NIBAN1: variants seen among roughly 807,000 people sequenced by gnomAD.
The protein encoded by NIBAN1 is niban apoptosis regulator 1, also known as protein Niban 1.
A neutral mutation model predicts 75.1 loss-of-function variants in NIBAN1; 81 were observed. The observed-to-expected ratio is 1.08, with a 90% CI of 0.90 to 1.30. NIBAN1 has a LOEUF of 1.30. NIBAN1 is among the 50% of genes most tolerant of loss of function. The pLI is 0.00. For synonymous variants in NIBAN1, 436 were observed against 424.8 expected (o/e 1.03, Z -0.32); for missense variants, 1,133 against 1,128.1 (o/e 1.00, Z -0.06).
intron 1 of NIBAN1, among the ~76,000 whole-genome samples, chr1:184,959,357 T>A (rs543205571): frequency 5.9e-5 from 9 of 152,232 alleles, no homozygotes; most frequent in Non-Finnish European, 1.3e-4. Flanking sequence ...GACTGGAGAC[T>A]AGGAAGATTT....
Position 184,795,614 on chromosome 1 carries a change from G to A in NIBAN1, c.2150C>T (p.Thr717Ile). ...GSLKALRKLL[T>I]ASVEVPVDSA... ...GTCCACTGGTACTTCCACGGACGCT[G>A]TCAGCAACTTTCTGAGCGCCTTCAA... is the stretch of plus-strand genomic sequence containing the variant. Residue 717 changes from threonine (T) to isoleucine (I), a missense_variant, in exon 14 of 14, where the codon ACA becomes ATA. Transcript: ENST00000367511. 2 of 1,614,180 alleles carry A rather than the reference G, an allele frequency of 1.2e-6. No homozygotes were observed. Among genetic ancestry groups the A allele is most frequent in the South Asian group, 1.1e-5 (1 of 91,086 alleles).
At position 184,799,892 on chromosome 1, in the gene NIBAN1, C is replaced by T. The variant is rs1379329971; in HGVS notation, c.1555-1702G>A. Among the ~76,000 whole-genome samples the T allele has an allele frequency of 5.1e-5, 5 of 98,372 alleles. 2 individuals are homozygous for T. Among genetic ancestry groups the T allele is most frequent in the African/African-American group, 2.7e-4 (5 of 18,528 alleles). 64.5% of individuals were successfully genotyped at this position (98,372 alleles called of 152,430 possible). A position where few individuals can be genotyped will look rare whatever the true frequency, so the allele number is the denominator to read the frequency against. The stretch of plus-strand genomic sequence containing the variant: ...TCCCGAGTAGCTGGGACTACAGGCG[C>T]CCGCTACCACGCCCAGCTAATTTTT... On this transcript the variant is annotated intron_variant, in intron 12 of 13. Coordinates refer to ENST00000367511, the MANE Select transcript of NIBAN1 (RefSeq NM_052966.4).
At chr1:184,939,776 G>A (rs184143266) in intron 1 of NIBAN1, among the ~76,000 whole-genome samples, 76 of 152,244 alleles carry the variant, frequency 5.0e-4, no homozygotes, top group East Asian at 1.7e-3. Context: ...GCTTACTGCC[G>A]TACCTACCAA....
chr1:184,958,837 C>T (rs188291975), intron 1 of NIBAN1, among the ~76,000 whole-genome samples: 52 of 152,298 alleles, frequency 3.4e-4, no homozygotes, highest in African/African-American at 9.6e-4. Flanking sequence ...TCTAACAAAA[C>T]CATTTTAAAT....
intron 1 of NIBAN1, among the ~76,000 whole-genome samples, chr1:184,899,796 C>A (rs1180277083): frequency 2.0e-5 from 3 of 149,090 alleles, no homozygotes; most frequent in Non-Finnish European, 4.4e-5. Context: ...ATTCTGCAAG[C>A]ACATCACTCT....
At chr1:184,807,525 T>C (rs1224187821) in intron 10 of NIBAN1, among the ~76,000 whole-genome samples, 2 of 152,138 alleles carry the variant, frequency 1.3e-5, no homozygotes, top group African/African-American at 2.4e-5. Flanking sequence ...TGGTGGCTTA[T>C]GCCTGTAATC....
chr1:184,833,932 A>G (rs1348071338), intron 5 of NIBAN1, among the ~76,000 whole-genome samples: 1 of 151,706 alleles, frequency 6.6e-6, no homozygotes, highest in Non-Finnish European at 1.5e-5. Flanking sequence ...ATAGGTATAC[A>G]TGTGCCATGC....
intron 5 of NIBAN1, among the ~76,000 whole-genome samples, chr1:184,866,542 A>C (rs1655962062): frequency 1.3e-5 from 2 of 152,196 alleles, no homozygotes; most frequent in Non-Finnish European, 2.9e-5. Flanking sequence ...AGCTCCCTAT[A>C]ATAATATTTC....
intron 1 of NIBAN1, among the ~76,000 whole-genome samples, chr1:184,947,051 C>T (rs1041161165): frequency 9.7e-6 from 1 of 102,924 alleles, no homozygotes; most frequent in South Asian, 2.9e-4. Flanking sequence ...CCAGCCTGGG[C>T]AACAAGAGCA....
intron 1 of NIBAN1, among the ~76,000 whole-genome samples, chr1:184,938,314 A>G (rs1658010469): frequency 2.0e-5 from 3 of 152,226 alleles, no homozygotes; most frequent in Admixed American, 1.3e-4. Context: ...GTAAGAATTT[A>G]CTATTTAGTG....
chr1:184,954,197 A>G (rs1216330138), intron 1 of NIBAN1, among the ~76,000 whole-genome samples: 2 of 152,254 alleles, frequency 1.3e-5, no homozygotes, highest in Non-Finnish European at 2.9e-5. Flanking sequence ...ATTCTAGGAC[A>G]AAAAGTTCAG....
chr1:184,813,395 A>G, intron 9 of NIBAN1, among the ~76,000 whole-genome samples: 1 of 152,338 alleles, frequency 6.6e-6, no homozygotes, highest in East Asian at 1.9e-4. Context: ...TGTTAAAATA[A>G]AGACATTTTG....
rs1653758355 is a variant in NIBAN1 at position 184,793,778 on chromosome 1, C to G, written c.*1199G>C. ...GTCTATTTCCATTAAAATGTAAGTT[C>G]TAGGAGGAAGGAACAAAGTTGTTTT... On this transcript the variant is annotated 3_prime_UTR_variant, in exon 14 of 14. Transcript: ENST00000367511. 1 of 152,072 alleles carries G rather than the reference C, an allele frequency of 6.6e-6. No individual in the cohort carries two copies. The highest frequency in any genetic ancestry group is 2.4e-5 in the African/African-American group (1 of 41,394). The allele number at this position is 152,072 out of a possible 1,614,324, so 9.4% of individuals were successfully genotyped here. A position where few individuals can be genotyped will look rare whatever the true frequency, so the allele number is the denominator to read the frequency against.
At chr1:184,819,041 TC>T (rs1393510902) in intron 8 of NIBAN1, among the ~76,000 whole-genome samples, 1 of 152,036 alleles carries the variant, frequency 6.6e-6, no homozygotes, top group Non-Finnish European at 1.5e-5. Context: ...ACCTATCCAC[TC>T]CCCAAGCTTT....
chr1:184,830,458 G>A (rs1315091431), intron 6 of NIBAN1, among the ~76,000 whole-genome samples: 1 of 151,988 alleles, frequency 6.6e-6, no homozygotes, highest in Non-Finnish European at 1.5e-5. Flanking sequence ...CAAGTCTCAG[G>A]TTGGGAAATA....
intron 1 of NIBAN1, among the ~76,000 whole-genome samples, chr1:184,914,911 A>C (rs1314711634): frequency 1.3e-5 from 2 of 151,988 alleles, no homozygotes; most frequent in Non-Finnish European, 2.9e-5. Context: ...TTTAGTAGAG[A>C]CGGGTTTTCA....
chr1:184,910,970 C>T (rs1317710832), intron 1 of NIBAN1, among the ~76,000 whole-genome samples: 6 of 152,106 alleles, frequency 3.9e-5, no homozygotes, highest in Non-Finnish European at 5.9e-5. Context: ...ACTAGAACTG[C>T]ATCATCAGCT....
intron 10 of NIBAN1, among the ~76,000 whole-genome samples, chr1:184,806,560 G>A (rs994496516): frequency 6.6e-6 from 1 of 152,026 alleles, no homozygotes; most frequent in Admixed American, 6.6e-5. Context: ...CTTTGCCTGT[G>A]TTCCCGTCAC....
chr1:184,965,441 T>TTGCTACTGTGAATAGTGC (rs1658757912), intron 1 of NIBAN1, among the ~76,000 whole-genome samples: 1 of 152,338 alleles, frequency 6.6e-6, no homozygotes, highest in South Asian at 2.1e-4. Context: ...TTCCATATCT[T>TTGCTACTGTGAATAGTGC]TGCTACTGTG....
Sources: allele counts gnomAD v4.1 joint callset (sites outside exome capture counted in the v4.1 genomes callset), GRCh38; gene constraint gnomAD v4.1.1; transcripts MANE v1.5; gene names NCBI Gene and HGNC (gene_info 2026-07-23, HGNC 2026-07-21).